The following KIF1B variants were observed in gnomAD, a reference collection of about 807,000 sequenced individuals.
KIF1B encodes kinesin family member 1B.
KIF1B carries 76 observed loss-of-function variants against 241.9 expected under a neutral mutation model. That is an observed-to-expected ratio of 0.31 (90% CI 0.26 to 0.38). KIF1B has a LOEUF of 0.38. Among genes scored for constraint, KIF1B ranks in the 10% least tolerant of loss-of-function variants. The pLI is 1.00. For missense variants in KIF1B, 1,622 were observed against 2,271.4 expected (o/e 0.71, Z 5.81); for synonymous variants, 750 against 796.7 (o/e 0.94, Z 0.99).
At chr1:10,290,302 T>G (rs1046179573) in intron 15 of KIF1B, among the ~76,000 whole-genome samples, 1 of 152,108 alleles carries the variant, frequency 6.6e-6, no homozygotes, top group South Asian at 2.1e-4. Flanking sequence ...TAGGTTCTTA[T>G]ATTTATATAA....
intron 22 of KIF1B, among the ~76,000 whole-genome samples, chr1:10,308,845 A>G (rs1322466849): frequency 6.6e-6 from 1 of 152,244 alleles, no homozygotes; most frequent in Non-Finnish European, 1.5e-5. Context: ...TCACTTACAT[A>G]AAATCTTTTC....
chr1:10,306,757 TAAAAAAAAAAAAAAA>T, intron 22 of KIF1B: 2 of 566,514 alleles, frequency 3.5e-6, no homozygotes, highest in East Asian at 1.6e-4. Context: ...AACCTGTCTT[TAAAAAAAAAAAAAAA>T]AAAAAAAAAA....
intron 7 of KIF1B, among the ~76,000 whole-genome samples, chr1:10,271,170 CTTTTTTTTTTTAATTAAAAAAAA>C (rs1473213238): frequency 1.4e-5 from 2 of 142,052 alleles, no homozygotes; most frequent in Admixed American, 7.0e-5. Context: ...TGTGCATGCT[CTTTTTTTTTTTAATTAAAAAAAA>C]TTTTTTTTTA....
Position 10,317,622 on chromosome 1 carries a change from G to C in KIF1B, c.2116-2421G>C, listed in dbSNP as rs191223377. Among the ~76,000 whole-genome samples, 113 of 151,420 alleles carry C rather than the reference G, an allele frequency of 7.5e-4. 3 individuals carry two copies. In the East Asian group the frequency reaches 0.019, roughly 25 times the overall value. On this transcript the variant is annotated intron_variant, in intron 22 of 48. Transcript: ENST00000676179. ...CGAGGTGGGCGGATCACGAGGTAAGGAGTTCGAGACCAGCCTGGCCAACAT... is the reference window on the plus strand; with the variant it reads ...CGAGGTGGGCGGATCACGAGGTAAGCAGTTCGAGACCAGCCTGGCCAACAT...
Position 10,374,759 on chromosome 1 carries a change from A to G in KIF1B, c.5097-95A>G. 2 of 1,211,164 alleles carry G rather than the reference A, an allele frequency of 1.7e-6. No individual in the cohort carries two copies. Among genetic ancestry groups the G allele is most frequent in the Non-Finnish European group, 2.4e-6 (2 of 821,124 alleles). 75.0% of individuals were successfully genotyped at this position (1,211,164 alleles called of 1,614,324 possible). On this transcript the variant is annotated intron_variant, in intron 46 of 48. Transcript: ENST00000676179. The surrounding 1 kb of genome is among the most constrained non-coding windows in gnomAD (Gnocchi z 4.3). ...GTCATTTGCCTGTTTCATCGAATCT[A>G]AGGACTTGGCCTAAGTGTGGCGTAT... is the stretch of plus-strand genomic sequence containing the variant.
intron 13 of KIF1B, 97 bp downstream of exon 13, chr1:10,278,225 C>T (rs537713383): frequency 1.5e-4 from 187 of 1,254,312 alleles, no homozygotes; most frequent in Non-Finnish European, 2.0e-4. Flanking sequence ...AGTTAAGGAG[C>T]ATGATGAAGC....
intron 1 of KIF1B, among the ~76,000 whole-genome samples, chr1:10,213,454 C>T (rs1288868210): frequency 3.9e-5 from 6 of 152,086 alleles, no homozygotes; most frequent in East Asian, 1.9e-4. Flanking sequence ...AGTCTGCCAA[C>T]GGAGTCTTTC....
rs778237154 is a variant in KIF1B at position 10,323,878 on chromosome 1, A to G, written c.2359-6A>G. ...CATTTGTCAATGGTTTATTCTTTCT[A>G]TTCAGGTGCAGTTTCAGTTTGTTCT... On this transcript the variant is annotated splice_polypyrimidine_tract_variant and splice_region_variant and intron_variant, in intron 24 of 48. Coordinates refer to ENST00000676179, the MANE Select transcript of KIF1B (RefSeq NM_001365951.3). The G allele has an allele frequency of 4.3e-6, 7 of 1,612,818 alleles. No homozygotes were observed. Among genetic ancestry groups the G allele is most frequent in the Non-Finnish European group, 5.9e-6 (7 of 1,178,804 alleles).
chr1:10,324,935 G>T (rs1651672361), intron 26 of KIF1B, 40 bp downstream of exon 26: 1 of 1,610,160 alleles, frequency 6.2e-7, no homozygotes, highest in African/African-American at 1.3e-5. Context: ...TTAAAATAAT[G>T]ATTAGTTTTA....
At chr1:10,235,743 T>C (rs1021772786) in intron 2 of KIF1B, among the ~76,000 whole-genome samples, 15 of 151,402 alleles carry the variant, frequency 9.9e-5, no homozygotes, top group African/African-American at 3.4e-4. Flanking sequence ...GTGCCTGTAA[T>C]CTCAGCTACT....
intron 22 of KIF1B, chr1:10,305,724 A>G: frequency 9.5e-7 from 1 of 1,057,588 alleles, no homozygotes; most frequent in Non-Finnish European, 1.1e-6. Context: ...GATTTATTGT[A>G]TCAATACCTC....
At chr1:10,258,989 G>A (rs1647956047) in intron 4 of KIF1B, among the ~76,000 whole-genome samples, 1 of 152,094 alleles carries the variant, frequency 6.6e-6, no homozygotes, top group Admixed American at 6.5e-5. Context: ...TGGAGATGGG[G>A]GGATATTGTT....
intron 1 of KIF1B, among the ~76,000 whole-genome samples, chr1:10,230,583 G>A (rs557011972): frequency 9.7e-4 from 147 of 152,044 alleles, no homozygotes; most frequent in East Asian, 3.3e-3. Flanking sequence ...TTACAGGTGT[G>A]TGCCACCACA....
rs569784702 is a variant in KIF1B, at chr1:10,317,351, C to CTTTTG, written c.2116-2692_2116-2691insTTTTG. On this transcript the variant is annotated intron_variant, in intron 22 of 48. Transcript: ENST00000676179. Reference sequence around the variant, plus strand: ...GATCCTGTGTCCTTTTGAAATGGCCCCAGTGGTGTTTGAGTTCTTCCATCC... The same window carrying CTTTTG: ...GATCCTGTGTCCTTTTGAAATGGCCCTTTTGCAGTGGTGTTTGAGTTCTTCCATCC... Among the ~76,000 whole-genome samples the CTTTTG allele has an allele frequency of 5.7e-3, 858 of 151,294 alleles. 10 individuals carry two copies. Among genetic ancestry groups the CTTTTG allele is most frequent in the Admixed American group, 0.011 (168 of 15,242 alleles).
chr1:10,230,210 T>C (rs17396382), intron 1 of KIF1B, among the ~76,000 whole-genome samples: 31,057 of 152,064 alleles, frequency 0.2, 3,707 homozygotes, highest in Non-Finnish European at 0.27. Flanking sequence ...ATTTATCCTG[T>C]TCTCGGGAAC....
intron 36 of KIF1B, 116 bp downstream of exon 36, chr1:10,347,943 C>T: frequency 1.1e-6 from 1 of 883,284 alleles, no homozygotes. Flanking sequence ...GTGGGCGGGG[C>T]ATTGTCCTGT....
At position 10,343,249 on chromosome 1, in the gene KIF1B, G is replaced by A. The variant is rs1652465916; in HGVS notation, c.3650G>A (p.Arg1217His). The A allele has an allele frequency of 1.2e-6, 2 of 1,614,124 alleles. No homozygotes were observed. The highest frequency in any genetic ancestry group is 1.7e-5 in the Admixed American group (1 of 60,008). Reference protein sequence around the residue: ...QELNSPPQPCRRFFPPPMPLS... With the variant: ...QELNSPPQPCHRFFPPPMPLS... ...CTTTGCAGTCCGCCTCAGCCGTGCC[G>A]CCGATTCTTCCCTCCACCCATGCCA... Residue 1217 changes from arginine to histidine, a missense_variant, in exon 34 of 49, where the codon CGC becomes CAC. Arg to His is a conservative substitution (Grantham distance 29). Transcript: ENST00000676179.
At chr1:10,312,628 G>C (rs951284694) in intron 22 of KIF1B, among the ~76,000 whole-genome samples, 2 of 151,304 alleles carry the variant, frequency 1.3e-5, no homozygotes, top group African/African-American at 2.5e-5. Context: ...TGAAATATGT[G>C]GTGCCCCTTT....
In KIF1B at chr1:10,289,008, T is replaced by C. The variant is rs578116239; in HGVS notation, c.1435-2074T>C. Among the ~76,000 whole-genome samples the C allele has an allele frequency of 7.9e-5, 12 of 152,378 alleles. No individual in the cohort carries two copies. In the East Asian group the frequency reaches 2.1e-3, roughly 27 times the overall value. ...GCTTCGTTAGTAACCTGTTATCATA[T>C]GAATCATACATTGAAGTGTTTGATG... On this transcript the variant is annotated intron_variant, in intron 15 of 48. Coordinates refer to ENST00000676179, the MANE Select transcript of KIF1B (RefSeq NM_001365951.3).
Sources: allele counts gnomAD v4.1 joint callset (sites outside exome capture counted in the v4.1 genomes callset), GRCh38; gene constraint gnomAD v4.1.1; non-coding constraint Gnocchi (gnomAD v3.1); transcripts MANE v1.5; gene names NCBI Gene and HGNC (gene_info 2026-07-23, HGNC 2026-07-21).